Variants in RUFY3 observed in about 807,000 individuals in gnomAD.
The protein encoded by RUFY3 is RUN and FYVE domain containing 3, also known as protein RUFY3.
In RUFY3, 34 loss-of-function variants were observed where a neutral mutation model predicts 84.0. The ratio of observed to expected loss-of-function variants is 0.40; its 90% CI spans 0.31 to 0.54. The LOEUF (loss-of-function observed/expected upper bound fraction) is 0.54. Among genes scored for constraint, RUFY3 ranks in the 20% least tolerant of loss-of-function variants. RUFY3 has a pLI of 0.39. For missense variants in RUFY3, 507 were observed against 736.8 expected, an observed-to-expected ratio of 0.69 and a Z score of 3.61; for synonymous variants, 242 against 252.9, an observed-to-expected ratio of 0.96 and a Z score of 0.41.
intron 1 of RUFY3, among the ~76,000 whole-genome samples, chr4:70,757,564 A>G (rs1724247036): frequency 1.3e-5 from 2 of 152,204 alleles, no homozygotes; most frequent in Non-Finnish European, 1.5e-5. Context: ...AGATCGCGCC[A>G]TTGCACTCCA....
At chr4:70,776,858 T>C (rs1578181072) in intron 7 of RUFY3, among the ~76,000 whole-genome samples, 1 of 152,238 alleles carries the variant, frequency 6.6e-6, no homozygotes, top group East Asian at 1.9e-4. Flanking sequence ...TGAGAAATCA[T>C]TATTTCCAAA....
chr4:70,741,670 T>TG, intron 1 of RUFY3: 1 of 1,521,286 alleles, frequency 6.6e-7, no homozygotes, highest in East Asian at 2.5e-5. Flanking sequence ...AAATGCGCGA[T>TG]GATACAGAAG....
chr4:70,753,726 C>A (rs75707647), intron 1 of RUFY3, among the ~76,000 whole-genome samples: 1 of 152,146 alleles, frequency 6.6e-6, no homozygotes, highest in Admixed American at 6.6e-5. Context: ...CCAAACAGAA[C>A]ATGTCATTTC....
chr4:70,751,533 C>T (rs966256303), intron 1 of RUFY3, among the ~76,000 whole-genome samples: 3 of 152,104 alleles, frequency 2.0e-5, no homozygotes, highest in Non-Finnish European at 1.5e-5. Flanking sequence ...TGCTTTCTGG[C>T]CATTTGTCTA....
In RUFY3 at chr4:70,713,302, C is replaced by T. The variant is rs947531101; in HGVS notation, c.358+8008C>T. 3.9e-5 allele frequency among the ~76,000 whole-genome samples: 6 copies of T among 152,294 alleles called. 1 individual carries two copies. The highest frequency in any genetic ancestry group is 1.9e-4 in the East Asian group (1 of 5,192). Reference sequence around the variant, plus strand: ...CCTCCCAAAGTGTTGGGATTACAGGCGTGAGCCACCATGCCTGGCCAGGAA... The same window carrying T: ...CCTCCCAAAGTGTTGGGATTACAGGTGTGAGCCACCATGCCTGGCCAGGAA... On this transcript the variant is annotated intron_variant, in intron 1 of 11. Coordinates refer to the RUFY3 transcript ENST00000417478.
At chr4:70,723,288 G>A (rs1002347124) in intron 1 of RUFY3, among the ~76,000 whole-genome samples, 3 of 152,082 alleles carry the variant, frequency 2.0e-5, no homozygotes, top group African/African-American at 7.2e-5. Context: ...TGGATTATTA[G>A]GTTAGATGAG....
intron 1 of RUFY3, among the ~76,000 whole-genome samples, chr4:70,715,790 A>G (rs1205788946): frequency 5.3e-5 from 8 of 152,134 alleles, no homozygotes; most frequent in Admixed American, 5.2e-4. Flanking sequence ...TATGAAAATC[A>G]GAAATAACCC....
At chr4:70,801,681 C>T (rs1732248087) in intron 15 of RUFY3, among the ~76,000 whole-genome samples, 1 of 152,164 alleles carries the variant, frequency 6.6e-6, no homozygotes. Context: ...AGAAAACACA[C>T]AGTCCAATAG....
chr4:70,787,826 T>C (rs1035187515), intron 10 of RUFY3, among the ~76,000 whole-genome samples: 2 of 152,024 alleles, frequency 1.3e-5, no homozygotes, highest in Admixed American at 6.6e-5. Flanking sequence ...GTAAGACAAA[T>C]GTTTGTTAAG....
intron 14 of RUFY3, among the ~76,000 whole-genome samples, chr4:70,795,667 A>C (rs995045724): frequency 1.3e-5 from 2 of 152,222 alleles, no homozygotes; most frequent in Non-Finnish European, 2.9e-5. Context: ...TTATTTCTCA[A>C]CCTAAGTTCC....
chr4:70,727,811 T>A (rs1374321257), intron 1 of RUFY3, among the ~76,000 whole-genome samples: 1 of 151,792 alleles, frequency 6.6e-6, no homozygotes, highest in Non-Finnish European at 1.5e-5. Flanking sequence ...AAGATTTTTT[T>A]AAAGAAATTC....
chr4:70,734,709 G>A (rs1389755620), intron 1 of RUFY3: 2 of 253,516 alleles, frequency 7.9e-6, no homozygotes, highest in Non-Finnish European at 1.2e-5. Flanking sequence ...AGAGGTGCAT[G>A]CTGCCTCTGA....
At chr4:70,725,378 T>A (rs1246791906) in intron 1 of RUFY3, among the ~76,000 whole-genome samples, 1 of 151,962 alleles carries the variant, frequency 6.6e-6, no homozygotes, top group Non-Finnish European at 1.5e-5. Flanking sequence ...TTGCCCAGGC[T>A]GGAGTGCAAT....
At position 70,722,459 on chromosome 4, in the gene RUFY3, T is replaced by C; in HGVS notation, c.-115T>C. On this transcript the variant is annotated 5_prime_UTR_variant, in exon 1 of 18. Coordinates refer to ENST00000381006, the MANE Select transcript of RUFY3 (RefSeq NM_001037442.4). The stretch of plus-strand genomic sequence containing the variant: ...TCCCCCACCCTTTTCCTGAAAGCTT[T>C]GTTTCAGAGCTTTGTATTGGGTTTT... The C allele has an allele frequency of 7.1e-7, 1 of 1,402,654 alleles. No homozygotes were observed. Among genetic ancestry groups the C allele is most frequent in the African/African-American group, 1.4e-5 (1 of 70,028 alleles). The allele number at this position is 1,402,654 out of a possible 1,614,324, so 86.9% of individuals were successfully genotyped here. A position where few individuals can be genotyped will look rare whatever the true frequency, so the allele number is the denominator to read the frequency against.
chr4:70,806,803 T>A lies in RUFY3; in HGVS notation c.*144T>A. The A allele has an allele frequency of 2.0e-6, 2 of 988,202 alleles. No individual in the cohort carries two copies. Among genetic ancestry groups the A allele is most frequent in the Non-Finnish European group, 2.9e-6 (2 of 690,922 alleles). 61.2% of individuals were successfully genotyped at this position (988,202 alleles called of 1,614,324 possible). ...TACTAGGTCCAGGGAGAAAAGGCAG[T>A]GGTTGGGGTTACTGGAAATTTTGCT... On this transcript the variant is annotated 3_prime_UTR_variant, in exon 18 of 18. Coordinates refer to ENST00000381006, the MANE Select transcript of RUFY3 (RefSeq NM_001037442.4).
rs112382011 is a variant in RUFY3, at chr4:70,759,620, A to G, written c.179-2899A>G. 5.7e-3 allele frequency among the ~76,000 whole-genome samples: 865 copies of G among 152,300 alleles called. 14 individuals carry two copies. The highest frequency in any genetic ancestry group is 0.02 in the African/African-American group (840 of 41,558). On this transcript the variant is annotated intron_variant, in intron 1 of 17. Transcript: ENST00000381006. Reference sequence around the variant, plus strand: ...CCGTACAGTTTTCCATAAAGGCTATACTAATTGACATTCCCACCAACAGTG... The same window carrying G: ...CCGTACAGTTTTCCATAAAGGCTATGCTAATTGACATTCCCACCAACAGTG...
chr4:70,731,172 G>C (rs891396265), intron 1 of RUFY3, among the ~76,000 whole-genome samples: 3 of 151,942 alleles, frequency 2.0e-5, no homozygotes, highest in Non-Finnish European at 2.9e-5. Flanking sequence ...TGAGTAGCTG[G>C]GATTACAGGT....
In RUFY3 at chr4:70,767,298, C is replaced by CAGGG. The variant is rs1726140803; in HGVS notation, c.573-1239_573-1236dup. ...TTTTTTTTTTTTTTTTTAGTAGAGA[C>CAGGG]AGGGTTTCTACATGTTGGTCAGGCT... On this transcript the variant is annotated intron_variant, in intron 4 of 17. Coordinates refer to ENST00000381006, the MANE Select transcript of RUFY3 (RefSeq NM_001037442.4). 1.1e-4 allele frequency among the ~76,000 whole-genome samples: 11 copies of CAGGG among 104,490 alleles called. No homozygotes were observed. The South Asian group carries it at 3.7e-3, about 35-fold the overall frequency. 68.5% of individuals were successfully genotyped at this position (104,490 alleles called of 152,430 possible).
At chr4:70,726,753 C>T (rs1718317962) in intron 1 of RUFY3, among the ~76,000 whole-genome samples, 1 of 152,342 alleles carries the variant, frequency 6.6e-6, no homozygotes, top group East Asian at 1.9e-4. Flanking sequence ...CATATCCTGG[C>T]TTAAGTCTGT....
Sources: allele counts gnomAD v4.1 joint callset (sites outside exome capture counted in the v4.1 genomes callset), GRCh38; gene constraint gnomAD v4.1.1; transcripts MANE v1.5; gene names NCBI Gene and HGNC (gene_info 2026-07-23, HGNC 2026-07-21).